Variants in TENM3 observed in about 807,000 individuals in gnomAD.
The protein encoded by TENM3 is teneurin-3.
In TENM3, 63 loss-of-function variants were observed where a neutral mutation model predicts 255.1. That is an observed-to-expected ratio of 0.25 (90% CI 0.20 to 0.30). TENM3 has a LOEUF of 0.30. Among genes scored for constraint, TENM3 ranks in the 10% least tolerant of loss-of-function variants. The pLI, the probability that TENM3 is intolerant of heterozygous loss-of-function variation, is 1.00. For synonymous variants in TENM3, 1,306 were observed against 1,322.3 expected, an observed-to-expected ratio of 0.99 and a Z score of 0.27; for missense variants, 2,929 against 3,461.1, an observed-to-expected ratio of 0.85 and a Z score of 3.86.
At chr4:182,576,393 A>G (rs1156306090) in intron 3 of TENM3, among the ~76,000 whole-genome samples, 1 of 152,116 alleles carries the variant, frequency 6.6e-6, no homozygotes, top group Non-Finnish European at 1.5e-5. Flanking sequence ...AAATACTGCA[A>G]TGCACTCATA....
At chr4:182,766,655 T>A (rs1459912910) in intron 22 of TENM3, among the ~76,000 whole-genome samples, 1 of 152,122 alleles carries the variant, frequency 6.6e-6, no homozygotes, top group Non-Finnish European at 1.5e-5. Context: ...ATGCTCAGCG[T>A]TCAAAAGGGC....
At chr4:182,621,564 G>A (rs111782878) in intron 4 of TENM3, among the ~76,000 whole-genome samples, 2,514 of 121,544 alleles carry the variant, frequency 0.021, 34 homozygotes, top group Middle Eastern at 0.04. Flanking sequence ...GGAGATTGAG[G>A]TCAGCCTGAA....
chr4:181,810,498 T>G, the TENM3 span, among the ~76,000 whole-genome samples: 805 of 152,092 alleles, frequency 5.3e-3, 4 homozygotes, highest in Middle Eastern at 0.01. Flanking sequence ...GAGTGCAGTA[T>G]GTTTCTGCTG....
At chr4:182,080,734 G>A in the TENM3 span, among the ~76,000 whole-genome samples, 643 of 152,290 alleles carry the variant, frequency 4.2e-3, 2 homozygotes, top group African/African-American at 0.014. Flanking sequence ...GCTCGCGCCC[G>A]TAATCCCAGC....
chr4:182,163,073 T>A (rs1286171996), intron 1 of TENM3, among the ~76,000 whole-genome samples: 1 of 152,186 alleles, frequency 6.6e-6, no homozygotes, highest in Non-Finnish European at 1.5e-5. Flanking sequence ...GACGGCTCCA[T>A]CCCTCACTAC....
chr4:182,785,581 G>A (rs1004866328), intron 24 of TENM3, among the ~76,000 whole-genome samples: 7 of 151,268 alleles, frequency 4.6e-5, no homozygotes, highest in South Asian at 2.1e-4. Context: ...GGTGGCGCAC[G>A]CCTCTCGTCT....
chr4:181,515,581 C>A, the TENM3 span, among the ~76,000 whole-genome samples: 1 of 152,138 alleles, frequency 6.6e-6, no homozygotes, highest in South Asian at 2.1e-4. Context: ...CTCTTCTAAG[C>A]AGAAGTCCAA....
the TENM3 span, among the ~76,000 whole-genome samples, chr4:181,685,283 T>C: frequency 6.6e-6 from 1 of 152,170 alleles, no homozygotes; most frequent in Non-Finnish European, 1.5e-5. Context: ...CCATTAACTG[T>C]ACATTTCTAG....
chr4:182,013,352 T>C, the TENM3 span, among the ~76,000 whole-genome samples: 1,538 of 152,332 alleles, frequency 0.01, 28 homozygotes, highest in African/African-American at 0.035. Flanking sequence ...CTTTTCCAAA[T>C]GAGTTTCCTT....
intron 1 of TENM3, among the ~76,000 whole-genome samples, chr4:182,289,976 A>AC (rs747669488): frequency 3.3e-5 from 5 of 151,314 alleles, no homozygotes; most frequent in African/African-American, 4.9e-5. Flanking sequence ...TCTGTCTGGG[A>AC]CCCCTCCAGC....
the TENM3 span, among the ~76,000 whole-genome samples, chr4:181,483,312 A>G: frequency 1.3e-5 from 2 of 152,094 alleles, no homozygotes; most frequent in African/African-American, 4.8e-5. Flanking sequence ...TGAGAGGTAT[A>G]ATTTTATCCT....
the TENM3 span, among the ~76,000 whole-genome samples, chr4:181,507,080 A>C: frequency 6.6e-6 from 1 of 152,192 alleles, no homozygotes; most frequent in African/African-American, 2.4e-5. Context: ...ACTTGTGCCC[A>C]GATAGATTTT....
intron 3 of TENM3, among the ~76,000 whole-genome samples, chr4:182,503,169 G>A (rs1336218497): frequency 6.6e-6 from 1 of 152,062 alleles, no homozygotes; most frequent in African/African-American, 2.4e-5. Flanking sequence ...AAATACACCA[G>A]TGGTTTCTTG....
At chr4:182,375,089 T>C (rs1767088270) in intron 3 of TENM3, among the ~76,000 whole-genome samples, 2 of 152,166 alleles carry the variant, frequency 1.3e-5, no homozygotes, top group South Asian at 4.1e-4. Context: ...AAGGCTCAAC[T>C]TAAGTATCTC....
chr4:182,643,110 T>C (rs972540527), intron 5 of TENM3, among the ~76,000 whole-genome samples: 1 of 152,226 alleles, frequency 6.6e-6, no homozygotes, highest in Admixed American at 6.5e-5. Flanking sequence ...ACTTTCATTT[T>C]ACATTGAAAG....
At chr4:182,115,974 C>T in the TENM3 span, among the ~76,000 whole-genome samples, 10 of 152,130 alleles carry the variant, frequency 6.6e-5, no homozygotes, top group African/African-American at 2.4e-4. Context: ...ATCCTGTCCC[C>T]CCTACAATCA....
At chr4:182,666,216 G>C (rs574260267) in intron 6 of TENM3, among the ~76,000 whole-genome samples, 28 of 152,288 alleles carry the variant, frequency 1.8e-4, no homozygotes, top group African/African-American at 6.3e-4. Flanking sequence ...ATTTACTCCT[G>C]ATGAAGAAGC....
chr4:182,470,261 A>T (rs1329391298), intron 3 of TENM3, among the ~76,000 whole-genome samples: 1 of 152,206 alleles, frequency 6.6e-6, no homozygotes, highest in Non-Finnish European at 1.5e-5. Flanking sequence ...GAGAAAGGCA[A>T]CCCCTAATTT....
At chr4:182,076,190 G>A in the TENM3 span, among the ~76,000 whole-genome samples, 2 of 149,888 alleles carry the variant, frequency 1.3e-5, no homozygotes, top group South Asian at 4.2e-4. Context: ...ACCATGCCCA[G>A]CCTCTTTCTC....
Sources: allele counts gnomAD v4.1 joint callset (sites outside exome capture counted in the v4.1 genomes callset), GRCh38; gene constraint gnomAD v4.1.1; transcripts MANE v1.5; gene names NCBI Gene and HGNC (gene_info 2026-07-23, HGNC 2026-07-21).